The following TTC4 variants were observed in gnomAD, a reference collection of about 807,000 sequenced individuals.
TTC4 encodes hsp70/Hsp90 co-chaperone CNS1 homolog.
Under a neutral mutation model 51.9 loss-of-function variants are expected in TTC4, and 36 were observed. That is an observed-to-expected ratio of 0.69 (90% CI 0.53 to 0.92). TTC4 has a LOEUF of 0.92. Among genes scored for constraint, TTC4 ranks in the 40% least tolerant of loss-of-function variants. The pLI is 0.00. For synonymous variants in TTC4, 144 were observed against 164.2 expected, an observed-to-expected ratio of 0.88 and a Z score of 0.94; for missense variants, 399 against 454.6, an observed-to-expected ratio of 0.88 and a Z score of 1.11.
intron 9 of TTC4, among the ~76,000 whole-genome samples, chr1:54,738,319 A>C (rs1166147400): frequency 1.3e-5 from 2 of 152,164 alleles, no homozygotes. Context: ...CTCCCACAAC[A>C]CATGGGAATC....
intron 5 of TTC4, among the ~76,000 whole-genome samples, chr1:54,724,432 AT>A (rs1014056312): frequency 7.5e-5 from 11 of 147,630 alleles, no homozygotes; most frequent in Admixed American, 2.0e-4. Flanking sequence ...TGCCAGGCTA[AT>A]TTTTTTTTTT....
chr1:54,726,051 G>A (rs1255647902), intron 5 of TTC4, among the ~76,000 whole-genome samples: 1 of 152,148 alleles, frequency 6.6e-6, no homozygotes, highest in Non-Finnish European at 1.5e-5. Context: ...AAGAATACTT[G>A]GGGAAATATT....
chr1:54,719,993 G>A (rs1048174657), intron 3 of TTC4, among the ~76,000 whole-genome samples: 3 of 151,486 alleles, frequency 2.0e-5, no homozygotes, highest in Admixed American at 2.0e-4. Flanking sequence ...TAGACTCCTG[G>A]GCTCAAGCAA....
At chr1:54,737,924 G>A (rs180791591) in intron 9 of TTC4, among the ~76,000 whole-genome samples, 45 of 152,118 alleles carry the variant, frequency 3.0e-4, no homozygotes, top group African/African-American at 1.1e-3. Flanking sequence ...TTTTGAGATG[G>A]AGTTTTGCTC....
intron 1 of TTC4, 100 bp from the exon 2 acceptor site, chr1:54,716,500 G>C (rs1349369526): frequency 2.2e-5 from 19 of 867,648 alleles, no homozygotes; most frequent in Non-Finnish European, 3.4e-5. Context: ...GTGATGATTT[G>C]CAAATCATGA....
chr1:54,742,590 TAGGGGTTGGTTGTTACTATAGC>T lies in TTC4; in HGVS notation c.*1080_*1101del, dbSNP rs975977132. 6.6e-6 allele frequency: 1 copy of T among 152,232 alleles called. No homozygotes were observed. The highest frequency in any genetic ancestry group is 2.4e-5 in the African/African-American group (1 of 41,452). The allele number at this position is 152,232 out of a possible 1,614,324, so 9.4% of individuals were successfully genotyped here. A position where few individuals can be genotyped will look rare whatever the true frequency, so the allele number is the denominator to read the frequency against. On this transcript the variant is annotated 3_prime_UTR_variant, in exon 10 of 10. Coordinates refer to ENST00000371281, the MANE Select transcript of TTC4 (RefSeq NM_004623.5). ...GTTTGCTGTAGTAAGCAGTGAGATT[TAGGGGTTGGTTGTTACTATAGC>T]AGAGCTAATACATGAGTAAACTGAA...
intron 1 of TTC4, 132 bp downstream of exon 1, chr1:54,716,151 A>G (rs781155738): frequency 3.9e-6 from 3 of 760,488 alleles, no homozygotes; most frequent in East Asian, 2.8e-5. Context: ...CTAGTTGAGT[A>G]TTGAAAATCG....
chr1:54,732,121 C>A (rs1201247844), intron 7 of TTC4, among the ~76,000 whole-genome samples: 2 of 151,852 alleles, frequency 1.3e-5, no homozygotes, highest in Non-Finnish European at 2.9e-5. Flanking sequence ...TACTTGAGGC[C>A]AGGAGTTCGA....
rs112599798 is a variant in TTC4 at position 54,715,861 on chromosome 1, G to C, written c.-48G>C. 1.4e-5 allele frequency: 21 copies of C among 1,478,420 alleles called. No individual in the cohort carries two copies. Among genetic ancestry groups the C allele is most frequent in the Non-Finnish European group, 1.8e-5 (20 of 1,086,152 alleles). The allele number at this position is 1,478,420 out of a possible 1,614,324, so 91.6% of individuals were successfully genotyped here. Reference sequence around the variant, plus strand: ...GGAACCCGCGCCGCCGGAAGGAGCCGCTCGCTTCACGGCGCTGGGACCCGG... The same window carrying C: ...GGAACCCGCGCCGCCGGAAGGAGCCCCTCGCTTCACGGCGCTGGGACCCGG... On this transcript the variant is annotated 5_prime_UTR_variant, in exon 1 of 10. Transcript: ENST00000371281.
intron 6 of TTC4, among the ~76,000 whole-genome samples, chr1:54,728,845 G>A (rs1312772858): frequency 3.3e-5 from 5 of 152,120 alleles, no homozygotes; most frequent in Non-Finnish European, 7.3e-5. Flanking sequence ...TGCAGTTTGA[G>A]GTACATCAGC....
intron 8 of TTC4, among the ~76,000 whole-genome samples, chr1:54,736,175 GGAGAGAGAGAGAGAGAGAGAGAGAGAGA>G (rs11292044): frequency 9.9e-6 from 1 of 100,664 alleles, no homozygotes; most frequent in African/African-American, 4.5e-5. Context: ...AAGAAAGAAA[GGAGAGAGAGAGAGAGAGAGAGAGAGAGA>G]GAGAGAGAGA....
chr1:54,741,351 G>A, intron 9 of TTC4, 60 bp from the exon 10 acceptor site: 1 of 1,379,624 alleles, frequency 7.2e-7, no homozygotes, highest in East Asian at 2.3e-5. Context: ...TTAGGAAGGT[G>A]CATGGATGGT....
At chr1:54,718,485 G>A (rs533531646) in intron 3 of TTC4, among the ~76,000 whole-genome samples, 7 of 152,250 alleles carry the variant, frequency 4.6e-5, no homozygotes. Flanking sequence ...GGGCTCAAGT[G>A]ATCCATCCGC....
chr1:54,735,546 A>G (rs1645922874), intron 8 of TTC4, among the ~76,000 whole-genome samples: 1 of 152,162 alleles, frequency 6.6e-6, no homozygotes, highest in Non-Finnish European at 1.5e-5. Context: ...TGGCTGGAAT[A>G]TTACAGAAGT....
In TTC4 at chr1:54,741,589, AC is replaced by A. The variant is rs1480552386; in HGVS notation, c.*77del. 1.7e-6 allele frequency: 2 copies of A among 1,191,142 alleles called. No homozygotes were observed. Among genetic ancestry groups the A allele is most frequent in the African/African-American group, 3.0e-5 (2 of 66,450 alleles). The allele number at this position is 1,191,142 out of a possible 1,614,324, so 73.8% of individuals were successfully genotyped here. ...TAGCACACCTGAATCAGCTGGACAT[AC>A]TGCTGGAGTCCAGTGCTTTCTTTCC... On this transcript the variant is annotated 3_prime_UTR_variant, in exon 10 of 10. Transcript: ENST00000371281.
At chr1:54,720,314 C>T (rs191774128) in intron 3 of TTC4, among the ~76,000 whole-genome samples, 1 of 151,984 alleles carries the variant, frequency 6.6e-6, no homozygotes, top group Non-Finnish European at 1.5e-5. Context: ...ATTTTGCTGA[C>T]CCCTGGGCTA....
At chr1:54,717,445 C>A in intron 2 of TTC4, 47 bp from the exon 3 acceptor site, 1 of 1,417,578 alleles carries the variant, frequency 7.1e-7, no homozygotes. Context: ...TTTTAATGAG[C>A]CTTTTAAAAA....
At chr1:54,731,913 A>G (rs1645870709) in intron 7 of TTC4, among the ~76,000 whole-genome samples, 1 of 152,220 alleles carries the variant, frequency 6.6e-6, no homozygotes, top group African/African-American at 2.4e-5. Context: ...TCGTCATACT[A>G]ACTGGGCTAG....
intron 4 of TTC4, among the ~76,000 whole-genome samples, chr1:54,722,129 A>AAT (rs376375182): frequency 2.0e-5 from 3 of 147,008 alleles, no homozygotes; most frequent in East Asian, 4.0e-4. Context: ...ATAACATGAA[A>AAT]TTTTTTTTTT....
Sources: allele counts gnomAD v4.1 joint callset (sites outside exome capture counted in the v4.1 genomes callset), GRCh38; gene constraint gnomAD v4.1.1; transcripts MANE v1.5; gene names NCBI Gene and HGNC (gene_info 2026-07-23, HGNC 2026-07-21).